The following RASA3 variants were observed in gnomAD, a reference collection of about 807,000 sequenced individuals.
RASA3 encodes the protein ras GTPase-activating protein 3.
Under a neutral mutation model 110.0 loss-of-function variants are expected in RASA3, and 73 were observed. The observed-to-expected ratio is 0.66, with a 90% CI of 0.55 to 0.81. RASA3 has a LOEUF of 0.81. RASA3 is among the 30% of genes least tolerant of loss of function. The pLI is 0.00. For synonymous variants in RASA3, 500 were observed against 451.4 expected, an observed-to-expected ratio of 1.11 and a Z score of -1.37; for missense variants, 976 against 1,113.2, an observed-to-expected ratio of 0.88 and a Z score of 1.75.
intron 3 of RASA3, among the ~76,000 whole-genome samples, chr13:114,042,304 AC>A (rs1480399335): frequency 6.6e-6 from 1 of 152,188 alleles, no homozygotes; most frequent in African/African-American, 2.4e-5. Flanking sequence ...GGACCACGCC[AC>A]CCACCACGGT....
chr13:114,073,021 G>A (rs560333834), intron 2 of RASA3, among the ~76,000 whole-genome samples: 2 of 150,508 alleles, frequency 1.3e-5, no homozygotes, highest in South Asian at 2.1e-4. Flanking sequence ...AAAATGGGAC[G>A]GTGATGTCCA....
At chr13:114,034,239 G>A (rs2054237526) in intron 4 of RASA3, among the ~76,000 whole-genome samples, 1 of 152,236 alleles carries the variant, frequency 6.6e-6, no homozygotes, top group African/African-American at 2.4e-5. Context: ...GAATAACCAA[G>A]AATCCCCACT....
At position 114,099,016 on chromosome 13, in the gene RASA3, C is replaced by CCCCTCCTTTTCTCA. The variant is rs1172239198; in HGVS notation, c.56-25180_56-25179insTGAGAAAAGGAGGG. On this transcript the variant is annotated intron_variant, in intron 1 of 23. Coordinates refer to ENST00000334062, the MANE Select transcript of RASA3 (RefSeq NM_007368.4). ...CCGGCCACCCGAGCCCCCCAGACCA[C>CCCCTCCTTTTCTCA]AGCAGTCGGGGCCCGGCCACCCGAG... Among the ~76,000 whole-genome samples, 347 of 70,864 alleles carry CCCCTCCTTTTCTCA rather than the reference C, an allele frequency of 4.9e-3. 3 individuals carry two copies. Among genetic ancestry groups the CCCCTCCTTTTCTCA allele is most frequent in the Middle Eastern group, 6.1e-3 (1 of 164 alleles). The allele number at this position is 70,864 out of a possible 152,430, so 46.5% of individuals were successfully genotyped here.
intron 2 of RASA3, among the ~76,000 whole-genome samples, chr13:114,064,942 C>T (rs190690519): frequency 1.9e-3 from 295 of 152,384 alleles, no homozygotes; most frequent in African/African-American, 6.7e-3. Context: ...AATTAACGCA[C>T]GCAGCAGCCT....
chr13:114,039,756 C>T (rs1392382240), intron 4 of RASA3, among the ~76,000 whole-genome samples: 1 of 152,230 alleles, frequency 6.6e-6, no homozygotes. Context: ...CGTCCGTGAG[C>T]AGCTGTGAAC....
chr13:114,117,881 G>A (rs1176585362), intron 1 of RASA3, among the ~76,000 whole-genome samples: 1 of 149,494 alleles, frequency 6.7e-6, no homozygotes, highest in Non-Finnish European at 1.5e-5. Flanking sequence ...GAGCACGTGT[G>A]TGAGGGGTGC....
chr13:114,079,205 C>T (rs911622395), intron 1 of RASA3, among the ~76,000 whole-genome samples: 27 of 152,338 alleles, frequency 1.8e-4, no homozygotes, highest in African/African-American at 6.5e-4. Flanking sequence ...CTGGTACTGG[C>T]CGCGTCCACC....
rs2139017849 is a variant in RASA3, at chr13:113,979,162, T to C, written c.*185A>G. 6.6e-6 allele frequency: 4 copies of C among 606,402 alleles called. No homozygotes were observed. The highest frequency in any genetic ancestry group is 2.9e-5 in the Admixed American group (1 of 34,714). 37.6% of individuals were successfully genotyped at this position (606,402 alleles called of 1,614,324 possible). On this transcript the variant is annotated 3_prime_UTR_variant, in exon 24 of 24. Coordinates refer to ENST00000334062, the MANE Select transcript of RASA3 (RefSeq NM_007368.4). ...GTTCCACAGGGCCAGGTGGGCTTTC[T>C]GCGGAGGGCGTGGCGGTGGTGGCAG...
At chr13:114,004,458 C>T (rs748744734) in intron 18 of RASA3, among the ~76,000 whole-genome samples, 11 of 152,078 alleles carry the variant, frequency 7.2e-5, no homozygotes, top group South Asian at 2.1e-4. Context: ...AACAAGCATA[C>T]GATATAAAGC....
intron 14 of RASA3, among the ~76,000 whole-genome samples, chr13:114,013,883 T>G (rs1353992770): frequency 2.9e-5 from 2 of 69,522 alleles, no homozygotes; most frequent in Non-Finnish European, 5.1e-5. Context: ...TCCCTATCTC[T>G]GTCTCTCTCT....
chr13:114,059,724 C>T (rs146111131), intron 2 of RASA3, among the ~76,000 whole-genome samples: 1 of 152,240 alleles, frequency 6.6e-6, no homozygotes, highest in African/African-American at 2.4e-5. Context: ...GGCAGGGCCT[C>T]CCACACACCA....
At chr13:114,083,511 C>G (rs779098572) in intron 1 of RASA3, among the ~76,000 whole-genome samples, 2 of 147,936 alleles carry the variant, frequency 1.4e-5, no homozygotes, top group South Asian at 2.2e-4. Context: ...ACAGGAAGTG[C>G]TGAGTCTGGA....
intron 19 of RASA3, 100 bp downstream of exon 19, chr13:114,000,726 G>A (rs772642516): frequency 8.7e-6 from 8 of 924,006 alleles, no homozygotes; most frequent in Non-Finnish European, 1.4e-5. Context: ...CCGCAGCACT[G>A]AATCCTTCCT....
intron 6 of RASA3, 43 bp downstream of exon 6, chr13:114,027,804 C>T (rs764021761): frequency 4.4e-6 from 7 of 1,579,248 alleles, no homozygotes; most frequent in Middle Eastern, 1.7e-4. Context: ...GGACCCTAGC[C>T]CCCCAGGACC....
intron 2 of RASA3, among the ~76,000 whole-genome samples, chr13:114,072,568 G>A (rs796449079): frequency 1.3e-4 from 20 of 152,306 alleles, no homozygotes; most frequent in African/African-American, 4.8e-4. Flanking sequence ...TTTGTGGAGT[G>A]CGAGCTTCCC....
chr13:114,094,053 C>T (rs914583430), intron 1 of RASA3, among the ~76,000 whole-genome samples: 1 of 152,142 alleles, frequency 6.6e-6, no homozygotes, highest in Non-Finnish European at 1.5e-5. Context: ...GGGCCCGTCT[C>T]TCGCACCTTA....
intron 18 of RASA3, among the ~76,000 whole-genome samples, chr13:114,003,428 C>G (rs113183368): frequency 0.03 from 4,494 of 152,304 alleles, 112 homozygotes; most frequent in Non-Finnish European, 0.044. Context: ...TTAGGGATTA[C>G]AGGATGAATA....
rs142331111 is a variant in RASA3 at position 114,022,906 on chromosome 13, G to A, written c.680+1373C>T. ...TGGGGAGGCAGATCTGACCGACCAC[G>A]TCAGGGACATTCTATGGTTCAGGAC... On this transcript the variant is annotated intron_variant, in intron 8 of 23. Coordinates refer to ENST00000334062, the MANE Select transcript of RASA3 (RefSeq NM_007368.4). Among the ~76,000 whole-genome samples the A allele has an allele frequency of 3.2e-3, 493 of 152,280 alleles. 3 individuals carry two copies. Among genetic ancestry groups the A allele is most frequent in the African/African-American group, 0.011 (468 of 41,546 alleles).
chr13:114,055,381 G>T (rs1354799764), intron 2 of RASA3, among the ~76,000 whole-genome samples: 1 of 152,234 alleles, frequency 6.6e-6, no homozygotes, highest in Non-Finnish European at 1.5e-5. Context: ...ACAGCTGCAG[G>T]ATCTCGGGGC....
Sources: allele counts gnomAD v4.1 joint callset (sites outside exome capture counted in the v4.1 genomes callset), GRCh38; gene constraint gnomAD v4.1.1; transcripts MANE v1.5; gene names NCBI Gene and HGNC (gene_info 2026-07-23, HGNC 2026-07-21).